CNBD1: variants seen among roughly 807,000 people sequenced by gnomAD.
The protein encoded by CNBD1 is cyclic nucleotide-binding domain-containing protein 1.
CNBD1 carries 71 observed loss-of-function variants against 54.4 expected under a neutral mutation model. The ratio of observed to expected loss-of-function variants is 1.30; its 90% CI spans 1.08 to 1.59. The LOEUF (loss-of-function observed/expected upper bound fraction) is 1.59, where lower values mean the gene tolerates loss of function less well. Among genes scored for constraint, CNBD1 ranks in the 40% most tolerant of loss-of-function variants. The pLI is 0.00. For missense variants in CNBD1, 659 were observed against 518.0 expected (o/e 1.27, Z -2.64); for synonymous variants, 182 against 170.7 (o/e 1.07, Z -0.51).
At chr8:87,007,886 AT>A (rs1809135362) in intron 4 of CNBD1, among the ~76,000 whole-genome samples, 1 of 152,154 alleles carries the variant, frequency 6.6e-6, no homozygotes, top group Admixed American at 6.5e-5. Context: ...TTTATAGGAC[AT>A]TGCTCACAAG....
At chr8:87,099,026 C>A in intron 4 of CNBD1, among the ~76,000 whole-genome samples, 1 of 101,704 alleles carries the variant, frequency 9.8e-6, no homozygotes. Flanking sequence ...CAGAGCAAGA[C>A]TGTGTCTCAA....
intron 5 of CNBD1, among the ~76,000 whole-genome samples, chr8:87,212,172 TG>T (rs1324400881): frequency 2.0e-5 from 3 of 152,136 alleles, no homozygotes; most frequent in African/African-American, 7.2e-5. Context: ...ACAAATGAAG[TG>T]CAAGACTTGT....
chr8:87,039,174 A>G (rs1293131241), intron 4 of CNBD1, among the ~76,000 whole-genome samples: 1 of 152,088 alleles, frequency 6.6e-6, no homozygotes, highest in African/African-American at 2.4e-5. Context: ...AGTATATTTC[A>G]GGAGGAGTGA....
At chr8:87,048,271 T>C (rs1586221589) in intron 4 of CNBD1, among the ~76,000 whole-genome samples, 1 of 152,174 alleles carries the variant, frequency 6.6e-6, no homozygotes, top group Non-Finnish European at 1.5e-5. Context: ...AAGGAGGTTA[T>C]ATATTTAGCT....
At chr8:87,223,918 T>C (rs1224264957) in intron 5 of CNBD1, among the ~76,000 whole-genome samples, 3 of 152,226 alleles carry the variant, frequency 2.0e-5, no homozygotes, top group African/African-American at 7.2e-5. Flanking sequence ...TTCCTGACTT[T>C]TTAATGATCG....
At chr8:87,267,943 G>T (rs1808294856) in intron 6 of CNBD1, among the ~76,000 whole-genome samples, 1 of 152,078 alleles carries the variant, frequency 6.6e-6, no homozygotes, top group African/African-American at 2.4e-5. Flanking sequence ...TAGTATTTTT[G>T]TTTAGTAGTA....
chr8:87,284,205 T>C (rs1808649462), intron 6 of CNBD1, among the ~76,000 whole-genome samples: 1 of 152,140 alleles, frequency 6.6e-6, no homozygotes, highest in Non-Finnish European at 1.5e-5. Context: ...AGTAACATTT[T>C]TCCATGCCTA....
intron 5 of CNBD1, among the ~76,000 whole-genome samples, chr8:87,227,974 G>A (rs758652498): frequency 2.3e-4 from 35 of 150,148 alleles, no homozygotes; most frequent in East Asian, 1.4e-3. Context: ...TTCCCTTCTC[G>A]CTTCATTTCA....
intron 4 of CNBD1, among the ~76,000 whole-genome samples, chr8:87,195,562 GTT>G (rs550156531): frequency 6.1e-5 from 8 of 130,870 alleles, no homozygotes; most frequent in East Asian, 2.3e-4. Context: ...TTTAAATATT[GTT>G]TTTTTTTTTT....
intron 4 of CNBD1, among the ~76,000 whole-genome samples, chr8:87,169,421 G>A (rs890742327): frequency 5.9e-5 from 9 of 151,810 alleles, no homozygotes; most frequent in African/African-American, 1.2e-4. Flanking sequence ...ATGTGATTCC[G>A]TTTGTCCACT....
chr8:86,922,539 C>T (rs1239508085), intron 3 of CNBD1, among the ~76,000 whole-genome samples: 10 of 152,026 alleles, frequency 6.6e-5, no homozygotes, highest in Non-Finnish European at 1.2e-4. Context: ...AAAGGAAAGC[C>T]TGGATGGCTT....
At chr8:87,200,481 T>G (rs924169519) in intron 4 of CNBD1, among the ~76,000 whole-genome samples, 1 of 152,006 alleles carries the variant, frequency 6.6e-6, no homozygotes, top group African/African-American at 2.4e-5. Context: ...CAATTAGTTC[T>G]TTAAAAAGAT....
At chr8:86,890,279 T>C (rs1808748915) in intron 2 of CNBD1, among the ~76,000 whole-genome samples, 1 of 152,082 alleles carries the variant, frequency 6.6e-6, no homozygotes, top group Non-Finnish European at 1.5e-5. Flanking sequence ...GTAACCACCA[T>C]TCTACTCTCT....
At chr8:87,350,335 ATTT>A (rs952253719) in intron 8 of CNBD1, among the ~76,000 whole-genome samples, 2 of 151,994 alleles carry the variant, frequency 1.3e-5, no homozygotes, top group African/African-American at 4.8e-5. Flanking sequence ...TAACCTTTTA[ATTT>A]TTTATTATAA....
At chr8:87,079,807 C>T (rs141398005) in intron 4 of CNBD1, among the ~76,000 whole-genome samples, 488 of 152,034 alleles carry the variant, frequency 3.2e-3, no homozygotes, top group African/African-American at 0.01. Flanking sequence ...TTTTAAATAG[C>T]GGGATACTTT....
chr8:87,308,074 A>G (rs1302900000), intron 8 of CNBD1, among the ~76,000 whole-genome samples: 1 of 152,094 alleles, frequency 6.6e-6, no homozygotes, highest in Non-Finnish European at 1.5e-5. Context: ...ACAGCCAACA[A>G]GCGACATTAT....
intron 8 of CNBD1, among the ~76,000 whole-genome samples, chr8:87,317,692 T>C (rs760925156): frequency 1.3e-5 from 2 of 151,974 alleles, no homozygotes; most frequent in Non-Finnish European, 2.9e-5. Context: ...AAGTGTTCCA[T>C]TACACTTTTA....
At chr8:87,009,010 T>G (rs552676283) in intron 4 of CNBD1, among the ~76,000 whole-genome samples, 1 of 152,124 alleles carries the variant, frequency 6.6e-6, no homozygotes, top group African/African-American at 2.4e-5. Flanking sequence ...TAACTATTGG[T>G]TTTTTATTTG....
chr8:87,201,080 G>C (rs1455334560), intron 4 of CNBD1, among the ~76,000 whole-genome samples: 1 of 151,638 alleles, frequency 6.6e-6, no homozygotes, highest in East Asian at 1.9e-4. Context: ...AGTAATGCAG[G>C]GTCGCTCTAA....
Sources: allele counts gnomAD v4.1 joint callset (sites outside exome capture counted in the v4.1 genomes callset), GRCh38; gene constraint gnomAD v4.1.1; transcripts MANE v1.5; gene names NCBI Gene and HGNC (gene_info 2026-07-23, HGNC 2026-07-21).